Variants in PRKG1 observed in about 807,000 individuals in gnomAD.
PRKG1 encodes cGMP-dependent protein kinase 1.
A neutral mutation model predicts 88.1 loss-of-function variants in PRKG1; 35 were observed. That is an observed-to-expected ratio of 0.40 (90% CI 0.30 to 0.53). PRKG1 has a LOEUF of 0.53. Among genes scored for constraint, PRKG1 ranks in the 20% least tolerant of loss-of-function variants. The probability of loss-of-function intolerance (pLI) is 0.59; values close to 1 mark genes in which losing one functional copy is unlikely to be tolerated. For missense variants in PRKG1, 540 were observed against 839.8 expected (o/e 0.64, Z 4.41); for synonymous variants, 303 against 292.5 (o/e 1.04, Z -0.37).
At chr10:52,271,608 T>A (rs1013465837) in intron 11 of PRKG1, 119 bp downstream of exon 11, 5 of 1,050,612 alleles carry the variant, frequency 4.8e-6, no homozygotes, top group South Asian at 6.1e-5. Context: ...AACTTCTTTT[T>A]AATCTAATCT....
At chr10:51,479,608 TG>T (rs1840298705) in intron 3 of PRKG1, among the ~76,000 whole-genome samples, 1 of 152,108 alleles carries the variant, frequency 6.6e-6, no homozygotes, top group Non-Finnish European at 1.5e-5. Flanking sequence ...ATTAAAAAAT[TG>T]TTTCTTTTCC....
At chr10:52,167,201 T>C (rs1175776773) in intron 9 of PRKG1, among the ~76,000 whole-genome samples, 1 of 152,044 alleles carries the variant, frequency 6.6e-6, no homozygotes, top group African/African-American at 2.4e-5. Flanking sequence ...CTTCCAGTCA[T>C]GGCAGAAGGC....
intron 3 of PRKG1, among the ~76,000 whole-genome samples, chr10:51,472,679 A>T (rs1840078616): frequency 6.6e-6 from 1 of 151,974 alleles, no homozygotes; most frequent in Non-Finnish European, 1.5e-5. Context: ...TATGATAAAG[A>T]CACATCCACA....
chr10:51,032,149 T>TA, intron 1 of PRKG1, among the ~76,000 whole-genome samples: 2 of 152,136 alleles, frequency 1.3e-5, no homozygotes, highest in African/African-American at 4.8e-5. Context: ...CCAGTGTCCT[T>TA]GGAACTCAGC....
chr10:51,918,598 G>A (rs1589420824), intron 5 of PRKG1, among the ~76,000 whole-genome samples: 1 of 152,160 alleles, frequency 6.6e-6, no homozygotes, highest in Admixed American at 6.5e-5. Context: ...TGGTTGCTCT[G>A]TAAGAATACA....
At chr10:51,358,701 GA>G (rs1375785008) in intron 2 of PRKG1, among the ~76,000 whole-genome samples, 1 of 151,876 alleles carries the variant, frequency 6.6e-6, no homozygotes, top group Non-Finnish European at 1.5e-5. Context: ...CCAGATGGAA[GA>G]TTACTGGATG....
chr10:52,024,728 A>T (rs1270344471), intron 5 of PRKG1, among the ~76,000 whole-genome samples: 2 of 152,150 alleles, frequency 1.3e-5, no homozygotes, highest in Non-Finnish European at 2.9e-5. Flanking sequence ...CCAGTCTATC[A>T]TTGATGGACA....
At chr10:51,757,303 A>C (rs7904543) in intron 3 of PRKG1, among the ~76,000 whole-genome samples, 61,520 of 151,530 alleles carry the variant, frequency 0.41, 13,053 homozygotes, top group Middle Eastern at 0.55. Flanking sequence ...AGGGTTTCAC[A>C]ATGTTGGCCA....
At chr10:51,692,060 T>C (rs573288818) in intron 3 of PRKG1, among the ~76,000 whole-genome samples, 1 of 152,282 alleles carries the variant, frequency 6.6e-6, no homozygotes, top group East Asian at 1.9e-4. Context: ...AAATATATTG[T>C]ATTAATAGTT....
At chr10:51,990,589 A>G (rs779944253) in intron 5 of PRKG1, among the ~76,000 whole-genome samples, 3 of 152,020 alleles carry the variant, frequency 2.0e-5, no homozygotes, top group Non-Finnish European at 2.9e-5. Context: ...TTTTAAGTTC[A>G]GGATTACATG....
chr10:51,231,952 C>T (rs780969797), intron 2 of PRKG1, among the ~76,000 whole-genome samples: 1 of 152,124 alleles, frequency 6.6e-6, no homozygotes, highest in African/African-American at 2.4e-5. Flanking sequence ...CATTGAATAC[C>T]AGTCTCATTT....
chr10:52,289,464 C>T (rs574268289), intron 16 of PRKG1, among the ~76,000 whole-genome samples: 3 of 152,182 alleles, frequency 2.0e-5, no homozygotes, highest in African/African-American at 7.2e-5. Flanking sequence ...CAGACCTTCC[C>T]TATGTTGATT....
At chr10:51,922,374 T>A (rs1220274459) in intron 5 of PRKG1, among the ~76,000 whole-genome samples, 1 of 151,732 alleles carries the variant, frequency 6.6e-6, no homozygotes, top group Non-Finnish European at 1.5e-5. Context: ...TTCTCTACTG[T>A]GTTTTTGTTT....
In PRKG1 at chr10:51,646,046, CTG is replaced by C. The variant is rs1839907752; in HGVS notation, c.593-158533_593-158532del. Among the ~76,000 whole-genome samples, 3 of 152,204 alleles carry C rather than the reference CTG, an allele frequency of 2.0e-5. No homozygotes were observed. In the South Asian group the frequency reaches 6.2e-4, roughly 32 times the overall value. Reference sequence around the variant, plus strand: ...TGTTGGGGTGGGAGTAGGGGAATGACTGTGTGTCACTAGAAGCTTTGTAAAAT... The same window carrying C: ...TGTTGGGGTGGGAGTAGGGGAATGACTGTGTCACTAGAAGCTTTGTAAAAT... On this transcript the variant is annotated intron_variant, in intron 3 of 17. Coordinates refer to ENST00000373980, the MANE Select transcript of PRKG1 (RefSeq NM_006258.4).
chr10:51,645,073 C>T (rs961861176), intron 3 of PRKG1, among the ~76,000 whole-genome samples: 8 of 152,176 alleles, frequency 5.3e-5, no homozygotes, highest in Admixed American at 5.2e-4. Context: ...CTGTCTGCCT[C>T]GGTCTCCAAA....
chr10:52,032,272 T>C (rs1439750199), intron 5 of PRKG1, among the ~76,000 whole-genome samples: 2 of 152,234 alleles, frequency 1.3e-5, no homozygotes, highest in African/African-American at 4.8e-5. Flanking sequence ...TTTGTAAGAT[T>C]AGTAGAAAAT....
intron 3 of PRKG1, among the ~76,000 whole-genome samples, chr10:51,776,641 G>A (rs1589277575): frequency 1.3e-5 from 2 of 151,956 alleles, no homozygotes; most frequent in Admixed American, 6.6e-5. Flanking sequence ...CCTGGCCAAC[G>A]TGGTGAAACC....
intron 9 of PRKG1, among the ~76,000 whole-genome samples, chr10:52,210,891 CA>C (rs1344400503): frequency 6.6e-6 from 1 of 152,116 alleles, no homozygotes. Flanking sequence ...AAGTACATAT[CA>C]AAAATATATA....
At chr10:51,284,865 C>CT (rs5784867) in intron 2 of PRKG1, among the ~76,000 whole-genome samples, 22,545 of 51,402 alleles carry the variant, frequency 0.44, 5,531 homozygotes, top group East Asian at 0.54. Context: ...GTTGTGGGTA[C>CT]TTTTTTTTTT....
Sources: gnomAD v4.1 joint callset for allele counts (sites outside exome capture counted in the v4.1 genomes callset) on GRCh38, gnomAD v4.1.1 for gene constraint, MANE v1.5 for transcripts, NCBI Gene and HGNC (gene_info 2026-07-23, HGNC 2026-07-21) for gene names.